SAMTOR: variants seen among roughly 807,000 people sequenced by gnomAD.
The protein encoded by SAMTOR is UPF0532 protein C7orf60.
At chr7:112,831,296 TAG>T in the SAMTOR span, among the ~76,000 whole-genome samples, 1 of 152,220 alleles carries the variant, frequency 6.6e-6, no homozygotes, top group Non-Finnish European at 1.5e-5. Context: ...GTGCCTACTT[TAG>T]AGTTATCTAT....
At chr7:112,861,665 C>A in the SAMTOR span, among the ~76,000 whole-genome samples, 3 of 152,148 alleles carry the variant, frequency 2.0e-5, no homozygotes, top group Admixed American at 1.3e-4. Context: ...GGTTTCTAAT[C>A]TGCTATGCTT....
At chr7:112,875,209 T>C in the SAMTOR span, among the ~76,000 whole-genome samples, 6 of 152,256 alleles carry the variant, frequency 3.9e-5, no homozygotes, top group East Asian at 1.2e-3. Context: ...TTCCTGCTGT[T>C]CTCCTTACTT....
At chr7:112,865,729 T>TATTCATATATATTTCATATATAC in the SAMTOR span, among the ~76,000 whole-genome samples, 3 of 144,100 alleles carry the variant, frequency 2.1e-5, no homozygotes, top group Non-Finnish European at 4.5e-5. Context: ...TATATACATA[T>TATTCATATATATTTCATATATAC]ATTCATATAT....
chr7:112,926,867 T>A, the SAMTOR span, among the ~76,000 whole-genome samples: 1 of 152,108 alleles, frequency 6.6e-6, no homozygotes, highest in Admixed American at 6.5e-5. Flanking sequence ...TTATTTCATA[T>A]ATTTATAAAA....
the SAMTOR span, among the ~76,000 whole-genome samples, chr7:112,872,159 A>G: frequency 2.0e-5 from 3 of 152,188 alleles, no homozygotes; most frequent in Non-Finnish European, 4.4e-5. Flanking sequence ...CAAATCTAGC[A>G]AAGACACAAT....
chr7:112,828,603 C>T, the SAMTOR span, among the ~76,000 whole-genome samples: 3 of 152,160 alleles, frequency 2.0e-5, no homozygotes, highest in Non-Finnish European at 4.4e-5. Context: ...AGAACTCCAA[C>T]ATATCTGTTT....
At chr7:112,936,560 G>A in the SAMTOR span, among the ~76,000 whole-genome samples, 2 of 151,974 alleles carry the variant, frequency 1.3e-5, no homozygotes, top group East Asian at 1.9e-4. Flanking sequence ...GGAGAAGAGT[G>A]GAAAAAAATC....
chr7:112,902,416 C>CAAAAAAAAAAAAAAAAAAAAAAAAAAAAA, the SAMTOR span, among the ~76,000 whole-genome samples: 1 of 12,322 alleles, frequency 8.1e-5, no homozygotes, highest in African/African-American at 3.1e-4. Context: ...AACTCCGTCT[C>CAAAAAAAAAAAAAAAAAAAAAAAAAAAAA]AAAAAAAAAA....
At chr7:112,857,604 A>G in the SAMTOR span, among the ~76,000 whole-genome samples, 8 of 152,372 alleles carry the variant, frequency 5.3e-5, no homozygotes, top group Admixed American at 2.6e-4. Flanking sequence ...CACACCAGTG[A>G]CAAAATGAAA....
the SAMTOR span, among the ~76,000 whole-genome samples, chr7:112,919,664 G>A: frequency 7.2e-5 from 11 of 152,000 alleles, no homozygotes; most frequent in Non-Finnish European, 8.8e-5. Flanking sequence ...CCAGGAGCTG[G>A]TTTTTTGAAA....
the SAMTOR span, among the ~76,000 whole-genome samples, chr7:112,880,298 G>T: frequency 6.6e-6 from 1 of 152,024 alleles, no homozygotes; most frequent in Admixed American, 6.6e-5. Flanking sequence ...TAGAGCTTTA[G>T]GGTTTTTAAA....
chr7:112,933,471 T>C, the SAMTOR span, among the ~76,000 whole-genome samples: 1 of 152,192 alleles, frequency 6.6e-6, no homozygotes, highest in African/African-American at 2.4e-5. Context: ...CCTTACACAG[T>C]GGTGCAGCGA....
the SAMTOR span, among the ~76,000 whole-genome samples, chr7:112,896,215 GTGTT>G: frequency 1.3e-5 from 2 of 152,128 alleles, no homozygotes; most frequent in Admixed American, 6.5e-5. Flanking sequence ...GCGCGTGTGT[GTGTT>G]TGTATGTATG....
the SAMTOR span, among the ~76,000 whole-genome samples, chr7:112,865,708 TATATATTTCATATATACATATATTC>T: frequency 4.1e-4 from 60 of 146,886 alleles, no homozygotes; most frequent in African/African-American, 1.4e-3. Context: ...CATATATTCA[TATATATTTCATATATACATATATTC>T]ATATATATTT....
the SAMTOR span, among the ~76,000 whole-genome samples, chr7:112,826,607 CTGAAAGTTTT>C: frequency 6.6e-6 from 1 of 151,996 alleles, no homozygotes; most frequent in Non-Finnish European, 1.5e-5. Context: ...CCCTATTTTT[CTGAAAGTTTT>C]CTATTTCATT....
At chr7:112,900,194 T>G in the SAMTOR span, among the ~76,000 whole-genome samples, 1 of 152,212 alleles carries the variant, frequency 6.6e-6, no homozygotes, top group Non-Finnish European at 1.5e-5. Flanking sequence ...TTATGCAGAC[T>G]GAAATGTCCC....
the SAMTOR span, among the ~76,000 whole-genome samples, chr7:112,888,886 T>A: frequency 6.6e-6 from 1 of 152,166 alleles, no homozygotes; most frequent in African/African-American, 2.4e-5. Flanking sequence ...GGTATGTATG[T>A]TTGAGAGAGA....
the SAMTOR span, chr7:112,822,119 G>C: frequency 1.7e-5 from 28 of 1,613,790 alleles, no homozygotes; most frequent in Non-Finnish European, 2.4e-5. Context: ...GGTTCTGATG[G>C]GAGGAATCAG....
At chr7:112,939,598 G>A in the SAMTOR span, 2 of 1,613,922 alleles carry the variant, frequency 1.2e-6, no homozygotes, top group Non-Finnish European at 1.7e-6. Context: ...TACCTTCTCG[G>A]TACTTCTTGC....
Sources: gnomAD v4.1 joint callset for allele counts (sites outside exome capture counted in the v4.1 genomes callset) on GRCh38, gnomAD v4.1.1 for gene constraint, MANE v1.5 for transcripts, NCBI Gene and HGNC (gene_info 2026-07-23, HGNC 2026-07-21) for gene names.